SLC38A12: variants seen among roughly 807,000 people sequenced by gnomAD.
SLC38A12 encodes solute carrier family 38 member 12.
At chr17:74,783,329 G>A in the SLC38A12 span, among the ~76,000 whole-genome samples, 2 of 152,168 alleles carry the variant, frequency 1.3e-5, no homozygotes, top group Non-Finnish European at 1.5e-5. Flanking sequence ...TTAGTAACAG[G>A]GAAAAGAGAA....
the SLC38A12 span, chr17:74,836,399 C>T: frequency 6.2e-7 from 1 of 1,611,534 alleles, no homozygotes; most frequent in Non-Finnish European, 8.5e-7. The surrounding 1 kb of genome is among the most constrained non-coding windows in gnomAD (Gnocchi z 4.2). Context: ...TCGTGTTTCC[C>T]ACCATCACCC....
At chr17:74,839,274 A>G in the SLC38A12 span, 12 of 1,195,954 alleles carry the variant, frequency 1.0e-5, no homozygotes, top group Admixed American at 1.7e-4. Flanking sequence ...TGTCCTCACT[A>G]CGGGGCAGGG....
chr17:74,794,938 A>G, the SLC38A12 span: 1 of 1,143,406 alleles, frequency 8.7e-7, no homozygotes, highest in East Asian at 2.5e-5. Context: ...ATTTAGTCAA[A>G]AAGAAGAAGA....
At chr17:74,788,132 C>T in the SLC38A12 span, among the ~76,000 whole-genome samples, 7 of 152,180 alleles carry the variant, frequency 4.6e-5, no homozygotes, top group African/African-American at 1.7e-4. Flanking sequence ...ATGATTTTTC[C>T]AATCTAGTCT....
At chr17:74,788,104 T>A in the SLC38A12 span, among the ~76,000 whole-genome samples, 1 of 152,142 alleles carries the variant, frequency 6.6e-6, no homozygotes, top group Non-Finnish European at 1.5e-5. Flanking sequence ...TCAAGTTTCT[T>A]TAAGAGGAAA....
the SLC38A12 span, chr17:74,790,419 G>C: frequency 1.2e-6 from 1 of 864,840 alleles, no homozygotes. Context: ...TGGGTTCTGA[G>C]GCAGGCCCTG....
At chr17:74,776,502 A>G in the SLC38A12 span, 1 of 152,084 alleles carries the variant, frequency 6.6e-6, no homozygotes, top group South Asian at 2.1e-4. Context: ...GCGCTGCGGA[A>G]GCTGGTGCTG....
the SLC38A12 span, chr17:74,788,925 C>T: frequency 6.6e-7 from 1 of 1,517,814 alleles, no homozygotes; most frequent in Admixed American, 1.9e-5. Flanking sequence ...AGGTACCCAG[C>T]AGGCGGTCTC....
chr17:74,828,047 G>A, the SLC38A12 span, among the ~76,000 whole-genome samples: 6 of 152,208 alleles, frequency 3.9e-5, no homozygotes, highest in Non-Finnish European at 8.8e-5. Flanking sequence ...GCTGGTGATG[G>A]GCACACTGCC....
At chr17:74,834,820 A>G in the SLC38A12 span, among the ~76,000 whole-genome samples, 3 of 152,262 alleles carry the variant, frequency 2.0e-5, no homozygotes, top group Non-Finnish European at 4.4e-5. Context: ...CAGAGAGAGC[A>G]GGGCTTGGTC....
the SLC38A12 span, chr17:74,795,538 A>G: frequency 3.1e-6 from 5 of 1,613,988 alleles, no homozygotes; most frequent in Middle Eastern, 1.6e-4. Context: ...GCCACTGGCA[A>G]TGACTCCTGC....
the SLC38A12 span, among the ~76,000 whole-genome samples, chr17:74,794,051 C>T: frequency 7.9e-5 from 12 of 152,312 alleles, 1 homozygote; most frequent in South Asian, 8.3e-4. Context: ...ACATCAAAAA[C>T]GTGAGCCTCA....
At chr17:74,822,861 G>A in the SLC38A12 span, among the ~76,000 whole-genome samples, 3 of 152,226 alleles carry the variant, frequency 2.0e-5, no homozygotes, top group Admixed American at 2.0e-4. Flanking sequence ...GGCTCAGGAG[G>A]GGACGAAGGG....
At chr17:74,812,330 G>A in the SLC38A12 span, among the ~76,000 whole-genome samples, 1 of 152,186 alleles carries the variant, frequency 6.6e-6, no homozygotes, top group African/African-American at 2.4e-5. Flanking sequence ...GACCCACACT[G>A]CCTCAGAACT....
At chr17:74,839,085 G>A in the SLC38A12 span, 10 of 1,535,052 alleles carry the variant, frequency 6.5e-6, no homozygotes, top group East Asian at 1.7e-4. Flanking sequence ...CCCCACAGAA[G>A]CACCAGACCC....
At chr17:74,813,336 C>T in the SLC38A12 span, among the ~76,000 whole-genome samples, 1 of 152,260 alleles carries the variant, frequency 6.6e-6, no homozygotes, top group Non-Finnish European at 1.5e-5. Flanking sequence ...TTCTCTGTCA[C>T]TTGGTGCAAA....
At chr17:74,830,496 G>A in the SLC38A12 span, among the ~76,000 whole-genome samples, 2 of 152,288 alleles carry the variant, frequency 1.3e-5, no homozygotes, top group Middle Eastern at 3.4e-3. Flanking sequence ...GCTTCTCTTC[G>A]CTTCTCTTCT....
chr17:74,817,381 G>A, the SLC38A12 span, among the ~76,000 whole-genome samples: 4 of 152,164 alleles, frequency 2.6e-5, no homozygotes, highest in African/African-American at 9.7e-5. Context: ...GGACGTTGCA[G>A]CCATTGGCCA....
the SLC38A12 span, among the ~76,000 whole-genome samples, chr17:74,793,789 G>T: frequency 1.3e-5 from 2 of 152,306 alleles, no homozygotes; most frequent in South Asian, 4.1e-4. Flanking sequence ...TCTCTGACAT[G>T]TCAGGGAAGG....
Sources: gnomAD v4.1 joint callset for allele counts (sites outside exome capture counted in the v4.1 genomes callset) on GRCh38, gnomAD v4.1.1 for gene constraint, Gnocchi (gnomAD v3.1) non-coding constraint, MANE v1.5 for transcripts, NCBI Gene and HGNC (gene_info 2026-07-23, HGNC 2026-07-21) for gene names.